Variants in IL36B observed in about 807,000 individuals in gnomAD.
The protein encoded by IL36B is interleukin-36 beta.
IL36B carries 23 observed loss-of-function variants against 19.3 expected under a neutral mutation model. That is an observed-to-expected ratio of 1.19 (90% CI 0.86 to 1.69). The LOEUF (loss-of-function observed/expected upper bound fraction) is 1.69. Ranked by LOEUF, IL36B falls within the 40% of genes most tolerant of loss-of-function variation. IL36B has a pLI of 0.00. For synonymous variants in IL36B, 59 were observed against 59.7 expected, an observed-to-expected ratio of 0.99 and a Z score of 0.05; for missense variants, 217 against 200.5, an observed-to-expected ratio of 1.08 and a Z score of -0.50.
intron 1 of IL36B, among the ~76,000 whole-genome samples, chr2:113,033,166 T>G (rs1259384608): frequency 1.3e-5 from 2 of 152,250 alleles, no homozygotes; most frequent in Non-Finnish European, 2.9e-5. Context: ...TATTGAGAGC[T>G]TATTCTGTTT....
At chr2:113,042,220 T>C (rs888352256) in intron 1 of IL36B, among the ~76,000 whole-genome samples, 5 of 152,172 alleles carry the variant, frequency 3.3e-5, no homozygotes, top group Non-Finnish European at 4.4e-5. Context: ...CGTCTTGCCT[T>C]TCCGAGCTTC....
intron 1 of IL36B, among the ~76,000 whole-genome samples, chr2:113,038,151 T>C (rs1175041226): frequency 2.6e-5 from 4 of 152,200 alleles, no homozygotes; most frequent in African/African-American, 9.6e-5. Flanking sequence ...GTACTGATAA[T>C]TTGGGCCAGG....
chr2:113,043,156 G>A (rs946190564), intron 1 of IL36B, among the ~76,000 whole-genome samples: 6 of 151,798 alleles, frequency 4.0e-5, no homozygotes, highest in Non-Finnish European at 5.9e-5. Flanking sequence ...ATTAAGTTTT[G>A]AGAGTTCTTT....
At position 113,044,560 on chromosome 2, in the gene IL36B, C is replaced by T. The variant is rs78482852; in HGVS notation, c.-58+8257G>A. On this transcript the variant is annotated intron_variant, in intron 1 of 5. Transcript: ENST00000259213. ...CCAACTTGCTTTTTATTGGTGTTAA[C>T]ATGGTATATCATTTTCCATCATGTT... Among the ~76,000 whole-genome samples the T allele has an allele frequency of 4.1e-3, 617 of 152,210 alleles. 7 individuals are homozygous for T. Among genetic ancestry groups the T allele is most frequent in the African/African-American group, 0.014 (585 of 41,522 alleles).
In IL36B at chr2:113,026,129, G is replaced by T. The variant is rs1461983657; in HGVS notation, c.365C>A (p.Thr122Asn). ...CACTCCTATTCCCCATTGGTCAAGG[G>T]TTCCCATGAAGCAGCTCTCTCTCAC... is the stretch of plus-strand genomic sequence containing the variant. The change falls in exon 5 of 6, where the codon ACC (threonine) becomes AAC (asparagine). Residue 122 changes from threonine (T) to asparagine (N), a missense_variant. Coordinates refer to ENST00000259213, the MANE Select transcript of IL36B (RefSeq NM_014438.5). The T allele has an allele frequency of 1.2e-6, 2 of 1,613,844 alleles. No homozygotes were observed. Among genetic ancestry groups the T allele is most frequent in the South Asian group, 2.2e-5 (2 of 91,070 alleles).
intron 1 of IL36B, among the ~76,000 whole-genome samples, chr2:113,040,646 A>G (rs887337088): frequency 7.2e-5 from 11 of 152,356 alleles, no homozygotes; most frequent in Non-Finnish European, 1.6e-4. Context: ...ACATAGCATC[A>G]AAAACTTCAA....
In IL36B at chr2:113,026,106, C is replaced by T. The variant is rs1684955310; in HGVS notation, c.388G>A (p.Val130Met). 1 of 1,613,546 alleles carries T rather than the reference C, an allele frequency of 6.2e-7. No individual in the cohort carries two copies. The highest frequency in any genetic ancestry group is 8.5e-7 in the Non-Finnish European group (1 of 1,179,678). Residue 130 changes from valine to methionine, a missense_variant, in exon 5 of 6, where the codon GTG (valine) becomes ATG (methionine). Coordinates refer to ENST00000259213, the MANE Select transcript of IL36B (RefSeq NM_014438.5). ...GATAAGAGAATTTGCTCCTCACCCA[C>T]TCCTATTCCCCATTGGTCAAGGGTT... is the stretch of plus-strand genomic sequence containing the variant.
rs1684882205 is a variant in IL36B, at chr2:113,022,643, TGTAGAG to T, written c.*25_*30del. On this transcript the variant is annotated 3_prime_UTR_variant, in exon 6 of 6. Transcript: ENST00000259213. The stretch of plus-strand genomic sequence containing the variant: ...ATTGATAGCAAACCCACTCAAAGAT[TGTAGAG>T]ATGGGAATCTTCCTCCCCTTATTTC... 2.2e-6 allele frequency: 3 copies of T among 1,353,450 alleles called. No individual in the cohort carries two copies. In the East Asian group the frequency reaches 6.9e-5, roughly 31 times the overall value. 83.8% of individuals were successfully genotyped at this position (1,353,450 alleles called of 1,614,324 possible).
intron 5 of IL36B, among the ~76,000 whole-genome samples, chr2:113,025,519 T>G (rs945949530): frequency 2.6e-5 from 4 of 152,160 alleles, no homozygotes; most frequent in Admixed American, 2.6e-4. Flanking sequence ...TCTATGTACC[T>G]AGAATTTGGT....
At chr2:113,051,376 T>A (rs984115290) in intron 1 of IL36B, among the ~76,000 whole-genome samples, 1 of 152,182 alleles carries the variant, frequency 6.6e-6, no homozygotes, top group African/African-American at 2.4e-5. Flanking sequence ...TTCATGGGAC[T>A]CAGTCAGCAG....
At chr2:113,037,066 G>T (rs555184699) in intron 1 of IL36B, among the ~76,000 whole-genome samples, 1 of 152,216 alleles carries the variant, frequency 6.6e-6, no homozygotes, top group African/African-American at 2.4e-5. Flanking sequence ...TCTTAGGTGC[G>T]CTCAGAAGTG....
At chr2:113,027,367 G>A (rs866472104) in intron 4 of IL36B, 66 bp downstream of exon 5, 92 of 624,554 alleles carry the variant, frequency 1.5e-4, no homozygotes, top group Middle Eastern at 7.2e-4. Flanking sequence ...GTTCAAAATC[G>A]TGTTGTTCAA....
intron 1 of IL36B, among the ~76,000 whole-genome samples, chr2:113,035,982 G>T (rs552674207): frequency 8.5e-5 from 13 of 152,156 alleles, no homozygotes; most frequent in African/African-American, 2.6e-4. Flanking sequence ...TTGCTCTGTC[G>T]CCCAGGCTGG....
At chr2:113,051,505 C>T (rs1468411080) in intron 1 of IL36B, among the ~76,000 whole-genome samples, 1 of 152,212 alleles carries the variant, frequency 6.6e-6, no homozygotes, top group African/African-American at 2.4e-5. Context: ...CCGGCCTGTG[C>T]ACCTGGCCCT....
chr2:113,038,405 A>G (rs1685195986), intron 1 of IL36B, among the ~76,000 whole-genome samples: 1 of 152,218 alleles, frequency 6.6e-6, no homozygotes, highest in South Asian at 2.1e-4. Flanking sequence ...GAGCCTTCAT[A>G]CTAGGAAGTC....
chr2:113,048,460 A>ACC (rs1241159956), intron 1 of IL36B, among the ~76,000 whole-genome samples: 5 of 151,986 alleles, frequency 3.3e-5, no homozygotes, highest in Non-Finnish European at 5.9e-5. Context: ...AACAAAAAAC[A>ACC]CCCCCAAAAT....
At chr2:113,034,281 G>C (rs1262226173) in intron 1 of IL36B, among the ~76,000 whole-genome samples, 1 of 152,018 alleles carries the variant, frequency 6.6e-6, no homozygotes, top group Non-Finnish European at 1.5e-5. Flanking sequence ...CTGTTCCTCT[G>C]AAGGAACAGC....
At chr2:113,040,860 G>C (rs773189543) in intron 1 of IL36B, among the ~76,000 whole-genome samples, 2 of 151,582 alleles carry the variant, frequency 1.3e-5, no homozygotes, top group Non-Finnish European at 2.9e-5. Context: ...TTTTTTGGTT[G>C]AAATTGCCAA....
chr2:113,030,379 G>A (rs1409937516), intron 3 of IL36B, among the ~76,000 whole-genome samples: 1 of 152,164 alleles, frequency 6.6e-6, no homozygotes, highest in Non-Finnish European at 1.5e-5. Flanking sequence ...GGTTGGGGGG[G>A]AGTAGGAAGA....
Sources: gnomAD v4.1 joint callset for allele counts (sites outside exome capture counted in the v4.1 genomes callset) on GRCh38, gnomAD v4.1.1 for gene constraint, MANE v1.5 for transcripts, NCBI Gene and HGNC (gene_info 2026-07-23, HGNC 2026-07-21) for gene names.